The following ANO1 variants were observed in gnomAD, a reference collection of about 807,000 sequenced individuals.
ANO1 encodes the protein anoctamin-1.
Under a neutral mutation model 124.0 loss-of-function variants are expected in ANO1, and 59 were observed. The observed-to-expected ratio is 0.48, with a 90% confidence interval of 0.39 to 0.59. ANO1 has a LOEUF of 0.59. Among genes scored for constraint, ANO1 ranks in the 20% least tolerant of loss-of-function variants. The pLI is 0.00. For missense variants in ANO1, 1,059 were observed against 1,328.0 expected (o/e 0.80, Z 3.15); for synonymous variants, 529 against 532.0 (o/e 0.99, Z 0.08).
At chr11:69,968,183 A>G in the ANO1 span, among the ~76,000 whole-genome samples, 2 of 152,252 alleles carry the variant, frequency 1.3e-5, no homozygotes, top group Admixed American at 1.3e-4. Flanking sequence ...ACTCGGGAAC[A>G]CTGGCTGGAA....
intron 12 of ANO1, 157 bp downstream of exon 12, chr11:70,149,949 G>T: frequency 4.0e-6 from 3 of 751,196 alleles, no homozygotes; most frequent in Non-Finnish European, 6.9e-6. Context: ...TGCCTGCCTC[G>T]CCACTCAACA....
intron 1 of ANO1, among the ~76,000 whole-genome samples, chr11:70,054,156 G>A (rs187598007): frequency 3.4e-4 from 52 of 152,160 alleles, no homozygotes; most frequent in African/African-American, 1.2e-3. Context: ...CTCACCCCTC[G>A]TCACAGGTGT....
At chr11:70,094,888 G>T (rs531886657) in intron 2 of ANO1, among the ~76,000 whole-genome samples, 96 of 152,290 alleles carry the variant, frequency 6.3e-4, no homozygotes, top group Non-Finnish European at 1.2e-3. Flanking sequence ...GCTTGTCTTG[G>T]TTTCATGGAA....
intron 16 of ANO1, 57 bp from the exon 17 acceptor site, chr11:70,161,104 G>T: frequency 6.8e-7 from 1 of 1,476,630 alleles, no homozygotes; most frequent in Non-Finnish European, 9.2e-7. Flanking sequence ...AGATGGGGCA[G>T]GCCCAGGAAG....
intron 22 of ANO1, among the ~76,000 whole-genome samples, chr11:70,178,433 G>T (rs573522798): frequency 3.3e-5 from 5 of 152,210 alleles, no homozygotes; most frequent in African/African-American, 1.2e-4. Flanking sequence ...AAGATCAAAC[G>T]GAGCTACAAT....
chr11:70,049,584 GC>G (rs145507642), intron 1 of ANO1, among the ~76,000 whole-genome samples: 35,273 of 152,008 alleles, frequency 0.23, 4,311 homozygotes, highest in East Asian at 0.46. Flanking sequence ...GAGGATAAAT[GC>G]TAAAAGGTAA....
At chr11:70,017,978 G>C (rs1366395345) in intron 1 of ANO1, among the ~76,000 whole-genome samples, 2 of 152,088 alleles carry the variant, frequency 1.3e-5, no homozygotes, top group Non-Finnish European at 2.9e-5. Flanking sequence ...AGAAAGATCA[G>C]CTTCCCCAAC....
chr11:70,009,556 C>T (rs889682073), intron 1 of ANO1, among the ~76,000 whole-genome samples: 10 of 152,262 alleles, frequency 6.6e-5, no homozygotes, highest in Admixed American at 1.3e-4. Flanking sequence ...AAAGGCCTGT[C>T]TTGGTGCATT....
intron 1 of ANO1, among the ~76,000 whole-genome samples, chr11:70,071,778 C>A (rs1857879578): frequency 6.6e-6 from 1 of 152,076 alleles, no homozygotes; most frequent in Non-Finnish European, 1.5e-5. Context: ...CACGCACCAC[C>A]ATGCCTGGCT....
upstream of ANO1, among the ~76,000 whole-genome samples, chr11:69,983,331 C>T (rs1421547224): frequency 1.3e-5 from 2 of 152,228 alleles, no homozygotes; most frequent in Non-Finnish European, 2.9e-5. Context: ...TTCTCTCCCT[C>T]CCTCGCCGCC....
rs557665157 is a variant in ANO1 at position 70,118,131 on chromosome 11, C to T, written c.897+1632C>T. Among the ~76,000 whole-genome samples, 177 of 152,074 alleles carry T rather than the reference C, an allele frequency of 1.2e-3. 1 individual carries two copies. The highest frequency in any genetic ancestry group is 2.0e-3 in the Non-Finnish European group (135 of 67,996). On this transcript the variant is annotated intron_variant, in intron 8 of 25. Coordinates refer to ENST00000355303, the MANE Select transcript of ANO1 (RefSeq NM_018043.7). ...CCTAAAAATGCTTCTTCCATGGACA[C>T]CAGTAGTCCCTTTCTAGCCGAATTC...
the ANO1 span, among the ~76,000 whole-genome samples, chr11:69,978,904 C>T: frequency 6.6e-6 from 1 of 152,214 alleles, no homozygotes; most frequent in Admixed American, 6.5e-5. Flanking sequence ...TCAACTCTGT[C>T]TTATTGCCAA....
chr11:70,087,825 A>C lies in ANO1; in HGVS notation c.182A>C (p.Lys61Thr). 1 of 1,613,084 alleles carries C rather than the reference A, an allele frequency of 6.2e-7. No individual in the cohort carries two copies. Among genetic ancestry groups the C allele is most frequent in the Non-Finnish European group, 8.5e-7 (1 of 1,179,746 alleles). ...YGLYFRDGRR[K>T]VDYILVYHHK... ...CTGTACTTCAGGGACGGCCGGCGCA[A>C]GGTGGACTACATCCTGGTGTACCAT... The change falls in exon 2 of 26, where the codon AAG becomes ACG. Residue 61 changes from lysine (K) to threonine (T), a missense_variant. Transcript: ENST00000355303.
At chr11:70,101,490 AG>A (rs1305141862) in intron 2 of ANO1, among the ~76,000 whole-genome samples, 1 of 145,476 alleles carries the variant, frequency 6.9e-6, no homozygotes, top group East Asian at 2.2e-4. Context: ...CAGGAGGTGG[AG>A]GTTGCAGTGA....
chr11:70,012,621 G>T lies in ANO1; in HGVS notation c.58+26455G>T, dbSNP rs117814359. Among the ~76,000 whole-genome samples the T allele has an allele frequency of 0.021, 2,893 of 138,904 alleles. 271 individuals carry two copies. In the East Asian group the frequency reaches 0.31, roughly 15 times the overall value. The allele number at this position is 138,904 out of a possible 152,430, so 91.1% of individuals were successfully genotyped here. ...ATTCACACATTCATCCATCCCCTTT[G>T]TCTAGTCATCCATCCATCCATTGTT... is the stretch of plus-strand genomic sequence containing the variant. On this transcript the variant is annotated intron_variant, in intron 1 of 27. Transcript: ENST00000531349.
chr11:70,156,321 G>A (rs959059475), intron 15 of ANO1, among the ~76,000 whole-genome samples: 11 of 152,084 alleles, frequency 7.2e-5, no homozygotes, highest in African/African-American at 1.7e-4. Context: ...TGTCATGCCC[G>A]TCTGCATTCT....
At chr11:70,110,028 G>A (rs1485275280) in intron 6 of ANO1, among the ~76,000 whole-genome samples, 3 of 152,058 alleles carry the variant, frequency 2.0e-5, no homozygotes, top group African/African-American at 7.2e-5. Context: ...AGCAGGGTGG[G>A]GCTAGCTGCG....
At chr11:70,007,097 C>T (rs1856506468) in intron 1 of ANO1, among the ~76,000 whole-genome samples, 1 of 152,106 alleles carries the variant, frequency 6.6e-6, no homozygotes, top group South Asian at 2.1e-4. Context: ...CTTCCCCCTC[C>T]CTGAGCCCCT....
chr11:70,117,268 G>T lies in ANO1; in HGVS notation c.897+769G>T, dbSNP rs546813739. ...GTATTTTTAGTAGAGACGGGCTTTC[G>T]CCATGTTGGCCAGGCTGGTCTTGAA... On this transcript the variant is annotated intron_variant, in intron 8 of 25. Coordinates refer to ENST00000355303, the MANE Select transcript of ANO1 (RefSeq NM_018043.7). 2.6e-5 allele frequency among the ~76,000 whole-genome samples: 4 copies of T among 151,854 alleles called. No homozygotes were observed. The East Asian group carries it at 7.8e-4, about 29-fold the overall frequency.
Sources: allele counts gnomAD v4.1 joint callset (sites outside exome capture counted in the v4.1 genomes callset), GRCh38; gene constraint gnomAD v4.1.1; transcripts MANE v1.5; gene names NCBI Gene and HGNC (gene_info 2026-07-23, HGNC 2026-07-21).